Variants in PODNL1 observed in about 807,000 individuals in gnomAD.
PODNL1 encodes the protein podocan-like protein 1.
A neutral mutation model predicts 45.1 loss-of-function variants in PODNL1; 50 were observed. The observed-to-expected ratio is 1.11, with a 90% confidence interval of 0.88 to 1.40. The LOEUF is 1.40. Among genes scored for constraint, PODNL1 ranks in the 40% most tolerant of loss-of-function variants. The probability of loss-of-function intolerance (pLI) is 0.00; values close to 1 mark genes in which losing one functional copy is unlikely to be tolerated. For missense variants in PODNL1, 788 were observed against 793.3 expected, an observed-to-expected ratio of 0.99 and a Z score of 0.08; for synonymous variants, 406 against 372.5, an observed-to-expected ratio of 1.09 and a Z score of -1.04.
intron 1 of PODNL1, among the ~76,000 whole-genome samples, chr19:13,947,064 A>C (rs895670763): frequency 6.6e-6 from 1 of 150,498 alleles, no homozygotes; most frequent in Non-Finnish European, 1.5e-5. Flanking sequence ...CAAAAAAAAA[A>C]CACCATAAAA....
At chr19:13,943,652 C>T (rs1972727536) in intron 1 of PODNL1, among the ~76,000 whole-genome samples, 1 of 152,004 alleles carries the variant, frequency 6.6e-6, no homozygotes, top group Non-Finnish European at 1.5e-5. Context: ...TTAGTAGAGA[C>T]GGTGTTTCAT....
intron 8 of PODNL1, 95 bp downstream of exon 8, chr19:13,932,703 C>T (rs745985148): frequency 1.2e-6 from 2 of 1,603,866 alleles, no homozygotes; most frequent in African/African-American, 2.7e-5. Flanking sequence ...GTTCTGATTG[C>T]TTTACCAGCT....
At chr19:13,952,484 T>C in intron 1 of PODNL1, 1 of 1,248,000 alleles carries the variant, frequency 8.0e-7, no homozygotes, top group Non-Finnish European at 1.0e-6. Flanking sequence ...AGGGGCCGGT[T>C]GCTCCGGAAG....
At chr19:13,942,518 ACT>A (rs1205182619), upstream of PODNL1, among the ~76,000 whole-genome samples, 1 of 150,982 alleles carries the variant, frequency 6.6e-6, no homozygotes, top group African/African-American at 2.4e-5. Context: ...CCTGCAACAA[ACT>A]CCCCTTCTGC....
Position 13,944,035 on chromosome 19 carries a change from T to C in PODNL1, c.19-6029A>G, listed in dbSNP as rs1402540478. 2.6e-5 allele frequency among the ~76,000 whole-genome samples: 4 copies of C among 152,254 alleles called. No individual in the cohort carries two copies. The East Asian group carries it at 7.7e-4, about 29-fold the overall frequency. ...GCTAACAATGTAGATCATTTCCATATATTAAAACATACATATTGGCTAGCT... is the reference window on the plus strand; with the variant it reads ...GCTAACAATGTAGATCATTTCCATACATTAAAACATACATATTGGCTAGCT... On this transcript the variant is annotated intron_variant, in intron 1 of 7. Coordinates refer to the PODNL1 transcript ENST00000538371.
intron 1 of PODNL1, among the ~76,000 whole-genome samples, chr19:13,947,481 CA>C (rs796793438): frequency 5.9e-4 from 71 of 120,596 alleles, no homozygotes; most frequent in African/African-American, 7.4e-4. Context: ...AACTCCACCT[CA>C]AAAAAAAAAA....
At chr19:13,951,981 C>A (rs1264115642) in intron 1 of PODNL1, among the ~76,000 whole-genome samples, 1 of 152,224 alleles carries the variant, frequency 6.6e-6, no homozygotes, top group African/African-American at 2.4e-5. Context: ...ACCCGCCCAT[C>A]GGAAACAAGC....
intron 1 of PODNL1, among the ~76,000 whole-genome samples, chr19:13,948,336 G>A (rs1341955154): frequency 2.0e-5 from 3 of 150,398 alleles, no homozygotes; most frequent in Non-Finnish European, 3.0e-5. Context: ...GAGTAGCTGG[G>A]ACTACAGGCG....
chr19:13,950,045 T>G (rs755125007), intron 1 of PODNL1, among the ~76,000 whole-genome samples: 8 of 151,292 alleles, frequency 5.3e-5, no homozygotes, highest in African/African-American at 7.3e-5. Context: ...ATTTTCTGTA[T>G]TTTTAGTAGA....
upstream of PODNL1, among the ~76,000 whole-genome samples, chr19:13,939,638 G>T (rs1972583555): frequency 6.6e-6 from 1 of 152,006 alleles, no homozygotes; most frequent in Non-Finnish European, 1.5e-5. Context: ...TGTAATCCCA[G>T]CACTTTGGGA....
At chr19:13,932,264 T>G in intron 8 of PODNL1, 152 bp from the exon 9 acceptor site, 1 of 1,038,938 alleles carries the variant, frequency 9.6e-7, no homozygotes, top group Non-Finnish European at 1.2e-6. Flanking sequence ...ATTCCTCCCT[T>G]CTGCAGAGGT....
At chr19:13,949,254 C>T (rs781268240) in intron 1 of PODNL1, 23 of 152,086 alleles carry the variant, frequency 1.5e-4, no homozygotes, top group Non-Finnish European at 3.1e-4. Context: ...GCCACCGTGC[C>T]TGGCCCCTTT....
chr19:13,953,253 C>T (rs1973170666), exon 1 of PODNL1: 1 of 998,162 alleles, frequency 1.0e-6, no homozygotes, highest in Admixed American at 3.1e-5. Context: ...GGGATGATGT[C>T]TCTCTCCCCC....
intron 8 of PODNL1, 65 bp downstream of exon 8, chr19:13,932,733 T>G (rs1458286253): frequency 6.2e-7 from 1 of 1,611,598 alleles, no homozygotes; most frequent in Non-Finnish European, 8.5e-7. Context: ...GTTTGGGACG[T>G]GGCAGGGCAG....
upstream of PODNL1, chr19:13,939,868 C>CAATAATAATAATAATAATAAT (rs59993623): frequency 1.3e-4 from 19 of 150,654 alleles, no homozygotes; most frequent in African/African-American, 3.9e-4. Flanking sequence ...AACTCTGTTT[C>CAATAATAATAATAATAATAAT]AATAATAATA....
upstream of PODNL1, among the ~76,000 whole-genome samples, chr19:13,940,251 C>A (rs1052171453): frequency 6.6e-6 from 1 of 151,624 alleles, no homozygotes; most frequent in Non-Finnish European, 1.5e-5. Flanking sequence ...AATGGTGAGA[C>A]CCCCGTCTCT....
chr19:13,932,559 G>A (rs1377315865), intron 8 of PODNL1: 1 of 1,078,812 alleles, frequency 9.3e-7, no homozygotes, highest in African/African-American at 1.6e-5. Context: ...GTCTTGCTGT[G>A]TTGCCAGGCT....
Position 13,935,825 on chromosome 19 carries a change from T to C in PODNL1, c.390A>G (p.Ser130=). 6.2e-7 allele frequency: 1 copy of C among 1,602,126 alleles called. No homozygotes were observed. Among genetic ancestry groups the C allele is most frequent in the Non-Finnish European group, 8.5e-7 (1 of 1,176,222 alleles). The change falls in exon 5 of 10, where the codon TCA becomes TCG. Residue 130 remains serine, a synonymous_variant. Transcript: ENST00000588872. ...QHLCVAHNKL[S]VAPQFLPRSL... ...ACCGGGGCAGAAACTGAGGGGCCACTGAGAGCTGTGGGGACACAGCCCACA... is the reference window on the plus strand; with the variant it reads ...ACCGGGGCAGAAACTGAGGGGCCACCGAGAGCTGTGGGGACACAGCCCACA...
Position 13,933,762 on chromosome 19 carries a change from A to G in PODNL1, c.767+116T>C. On this transcript the variant is annotated intron_variant, in intron 7 of 9. Transcript: ENST00000588872. The surrounding 1 kb of genome is among the most constrained non-coding windows in gnomAD (Gnocchi z 5.2). ...CAGTGCTCTGCCGAGCCCAGTGAGC[A>G]GCAGGCACTCAGTAAATGAGGCCGT... 3 of 892,036 alleles carry G rather than the reference A, an allele frequency of 3.4e-6. No homozygotes were observed. The South Asian group carries it at 4.7e-5, about 14-fold the overall frequency. 55.3% of individuals were successfully genotyped at this position (892,036 alleles called of 1,614,324 possible).
Sources: allele counts gnomAD v4.1 joint callset (sites outside exome capture counted in the v4.1 genomes callset), GRCh38; gene constraint gnomAD v4.1.1; non-coding constraint Gnocchi (gnomAD v3.1); transcripts MANE v1.5; gene names NCBI Gene and HGNC (gene_info 2026-07-23, HGNC 2026-07-21).